Variants in TUT4 observed in about 807,000 individuals in gnomAD.
TUT4 encodes the protein terminal uridylyltransferase 4.
Under a neutral mutation model 192.2 loss-of-function variants are expected in TUT4, and 36 were observed. The ratio of observed to expected loss-of-function variants is 0.19; its 90% CI spans 0.14 to 0.25. The LOEUF (loss-of-function observed/expected upper bound fraction) is 0.25, where lower values mean the gene tolerates loss of function less well. Ranked by LOEUF, TUT4 falls within the 10% of genes least tolerant of loss-of-function variation. The probability of loss-of-function intolerance (pLI) is 1.00; values close to 1 mark genes in which losing one functional copy is unlikely to be tolerated. For missense variants in TUT4, 1,493 were observed against 1,957.2 expected (o/e 0.76, Z 4.47); for synonymous variants, 618 against 666.0 (o/e 0.93, Z 1.11).
At chr1:52,545,966 CAAAAAAA>C (rs71041901) in intron 1 of TUT4, among the ~76,000 whole-genome samples, 6,337 of 72,396 alleles carry the variant, frequency 0.088, 216 homozygotes, top group African/African-American at 0.16. Flanking sequence ...TACAAAAATA[CAAAAAAA>C]AAAAAAAAAA....
At chr1:52,519,397 G>T (rs1002770833) in intron 2 of TUT4, among the ~76,000 whole-genome samples, 1 of 152,168 alleles carries the variant, frequency 6.6e-6, no homozygotes, top group African/African-American at 2.4e-5. Context: ...TAATGGGTAT[G>T]GAGTTTCTTT....
chr1:52,459,007 G>A (rs958135187), intron 19 of TUT4, among the ~76,000 whole-genome samples: 15 of 152,032 alleles, frequency 9.9e-5, no homozygotes, highest in Non-Finnish European at 1.5e-4. Context: ...GGAATGGTAT[G>A]CAACCATTAA....
At chr1:52,537,632 G>T (rs1685285437) in intron 1 of TUT4, among the ~76,000 whole-genome samples, 1 of 152,218 alleles carries the variant, frequency 6.6e-6, no homozygotes, top group Non-Finnish European at 1.5e-5. Context: ...AATTTGACTG[G>T]CTCAGCGCGG....
chr1:52,458,307 A>C lies in TUT4; in HGVS notation c.3435+29T>G, dbSNP rs201027076. On this transcript the variant is annotated intron_variant, in intron 20 of 29. Coordinates refer to ENST00000257177, the MANE Select transcript of TUT4 (RefSeq NM_001009881.3). ...TTTAGATCTATTGTTTTCAAAAAAA[A>C]CTCCTTTATAGTTTTCTTAAACACC... The C allele has an allele frequency of 4.6e-5, 72 of 1,553,160 alleles. No individual in the cohort carries two copies. In the East Asian group the frequency reaches 1.3e-3, roughly 27 times the overall value.
chr1:52,449,825 G>T (rs1040416096), intron 20 of TUT4, among the ~76,000 whole-genome samples: 1 of 152,040 alleles, frequency 6.6e-6, no homozygotes, highest in Admixed American at 6.6e-5. Context: ...TCTACTTTCT[G>T]TCCCTATGAA....
At chr1:52,523,054 G>A (rs1353174786) in intron 2 of TUT4, among the ~76,000 whole-genome samples, 2 of 132,592 alleles carry the variant, frequency 1.5e-5, no homozygotes, top group Non-Finnish European at 3.1e-5. Context: ...GTGCAGTGGC[G>A]CGATCCTGGC....
Position 52,490,847 on chromosome 1 carries a change from T to C in TUT4, c.1319-46A>G, listed in dbSNP as rs764043087. ...TAAGCTAATGTCAACATCTCTAAAA[T>C]ACGTACTCTACAGTAAACATTAAGT... On this transcript the variant is annotated intron_variant, in intron 7 of 29. Transcript: ENST00000257177. The C allele has an allele frequency of 2.1e-6, 3 of 1,408,402 alleles. No individual in the cohort carries two copies. The South Asian group carries it at 3.7e-5, about 18-fold the overall frequency. The allele number at this position is 1,408,402 out of a possible 1,614,324, so 87.2% of individuals were successfully genotyped here.
intron 1 of TUT4, among the ~76,000 whole-genome samples, chr1:52,542,971 T>G (rs1321920168): frequency 1.3e-5 from 2 of 152,136 alleles, no homozygotes; most frequent in Non-Finnish European, 2.9e-5. Context: ...GTCAGGCTGG[T>G]CTCGAACTCC....
Position 52,488,794 on chromosome 1 carries a change from CT to C in TUT4, c.1515+114del. 5 of 1,138,500 alleles carry C rather than the reference CT, an allele frequency of 4.4e-6. 1 individual carries two copies. The South Asian group carries it at 1.2e-4, about 28-fold the overall frequency. The allele number at this position is 1,138,500 out of a possible 1,614,324, so 70.5% of individuals were successfully genotyped here. On this transcript the variant is annotated intron_variant, in intron 9 of 29. Coordinates refer to ENST00000257177, the MANE Select transcript of TUT4 (RefSeq NM_001009881.3). ...TCTGTCTAGCACAGAAAACTACTTT[CT>C]CCCACATGTTATGATTGATGTTACA...
chr1:52,425,143 T>C (rs1361739476), intron 29 of TUT4: 3 of 459,600 alleles, frequency 6.5e-6, no homozygotes, highest in Non-Finnish European at 1.1e-5. Flanking sequence ...CTATTTAACA[T>C]GTCTGGCTTT....
At chr1:52,502,605 C>A (rs1674440753) in intron 4 of TUT4, among the ~76,000 whole-genome samples, 1 of 123,022 alleles carries the variant, frequency 8.1e-6, no homozygotes, top group Admixed American at 8.6e-5. Flanking sequence ...GCCCTCTTAG[C>A]CCTCTTTTTT....
In TUT4 at chr1:52,475,498, T is replaced by A; in HGVS notation, c.2061A>T (p.Leu687Phe). The A allele has an allele frequency of 6.2e-7, 1 of 1,613,938 alleles. No homozygotes were observed. Among genetic ancestry groups the A allele is most frequent in the Non-Finnish European group, 8.5e-7 (1 of 1,179,974 alleles). ...FSVKRNVARS[L>F]NSQLVYEYVV... is the part of the protein sequence containing the mutation. ...CATATTCGTAAACCAGCTGGCTGTT[T>A]AAGCTCCGTGCAACATTCCTCTTGA... The change falls in exon 13 of 30, where the codon TTA becomes TTT. Residue 687 changes from leucine to phenylalanine, a missense_variant. Around this residue, in one of 7 missense-constraint regions of TUT4, gnomAD observed 437 missense variants for 577.6 expected, o/e 0.76. Coordinates refer to ENST00000257177, the MANE Select transcript of TUT4 (RefSeq NM_001009881.3).
At chr1:52,500,661 C>T (rs996728179) in intron 4 of TUT4, among the ~76,000 whole-genome samples, 5 of 152,164 alleles carry the variant, frequency 3.3e-5, no homozygotes, top group African/African-American at 1.2e-4. Flanking sequence ...ACTTGGGAGA[C>T]TGAGGCAGGA....
intron 11 of TUT4, among the ~76,000 whole-genome samples, chr1:52,478,738 G>C (rs1428778007): frequency 1.3e-5 from 2 of 152,162 alleles, no homozygotes; most frequent in African/African-American, 4.8e-5. Flanking sequence ...GAATTCCAAA[G>C]AATTAGCTAG....
chr1:52,468,038 T>G (rs1664715787), intron 15 of TUT4, 143 bp downstream of exon 15: 1 of 586,374 alleles, frequency 1.7e-6, no homozygotes, highest in Non-Finnish European at 2.9e-6. Flanking sequence ...TTCATGAGGT[T>G]TCATCTCTTT....
chr1:52,450,672 T>C lies in TUT4; in HGVS notation c.3436-4005A>G, dbSNP rs75916600. 2.9e-3 allele frequency among the ~76,000 whole-genome samples: 446 copies of C among 152,330 alleles called. 2 individuals carry two copies. Among genetic ancestry groups the C allele is most frequent in the African/African-American group, 0.01 (425 of 41,574 alleles). On this transcript the variant is annotated intron_variant, in intron 20 of 29. Coordinates refer to ENST00000257177, the MANE Select transcript of TUT4 (RefSeq NM_001009881.3). ...TATCAACACTGAAATATTATCATTATTACATTTTTAATGATGATGAAACTC... is the reference window on the plus strand; with the variant it reads ...TATCAACACTGAAATATTATCATTACTACATTTTTAATGATGATGAAACTC...
At chr1:52,435,329 A>C (rs1385190572) in intron 27 of TUT4, 36 bp downstream of exon 27, 3 of 1,521,654 alleles carry the variant, frequency 2.0e-6, no homozygotes, top group Non-Finnish European at 2.7e-6. Context: ...TGCTATCATC[A>C]GTCAAGACTA....
chr1:52,526,543 C>T (rs1681811518), intron 1 of TUT4, among the ~76,000 whole-genome samples, 170 bp from the exon 2 acceptor site: 1 of 148,750 alleles, frequency 6.7e-6, no homozygotes, highest in Non-Finnish European at 1.5e-5. Context: ...AGTTACAGTG[C>T]ACTAGGTAAA....
chr1:52,545,234 G>C (rs1687758106), intron 1 of TUT4, among the ~76,000 whole-genome samples: 1 of 151,674 alleles, frequency 6.6e-6, no homozygotes, highest in Admixed American at 6.6e-5. Context: ...AATTTAGCTG[G>C]GCAGTAGTGG....
Sources: gnomAD v4.1 joint callset for allele counts (sites outside exome capture counted in the v4.1 genomes callset) on GRCh38, gnomAD v4.1.1 for gene constraint, gnomAD v4.1.1 regional missense constraint, MANE v1.5 for transcripts, NCBI Gene and HGNC (gene_info 2026-07-23, HGNC 2026-07-21) for gene names.